ZNF608: variants seen among roughly 807,000 people sequenced by gnomAD.
The protein encoded by ZNF608 is zinc finger protein 608, also known as renal carcinoma antigen NY-REN-36.
In ZNF608, 12 loss-of-function variants were observed where a neutral mutation model predicts 109.0. The observed-to-expected ratio is 0.11, with a 90% confidence interval of 0.07 to 0.18. ZNF608 has a LOEUF of 0.18. Ranked by LOEUF, ZNF608 falls within the 10% of genes least tolerant of loss-of-function variation. The probability of loss-of-function intolerance (pLI) is 1.00; values close to 1 mark genes in which losing one functional copy is unlikely to be tolerated. For synonymous variants in ZNF608, 732 were observed against 717.4 expected (o/e 1.02, Z -0.33); for missense variants, 1,707 against 1,879.3 (o/e 0.91, Z 1.70).
At position 124,665,074 on chromosome 5, in the gene ZNF608, C is replaced by A. The variant is rs567876873; in HGVS notation, c.1163-15377G>T. On this transcript the variant is annotated intron_variant, in intron 3 of 9. Transcript: ENST00000513986. ...CCTGTAATCCCAGCTACTCAGGAGGCTGAGGTAGGGAGAATGGCTTAAACC... is the reference window on the plus strand; with the variant it reads ...CCTGTAATCCCAGCTACTCAGGAGGATGAGGTAGGGAGAATGGCTTAAACC... Among the ~76,000 whole-genome samples, 10 of 151,902 alleles carry A rather than the reference C, an allele frequency of 6.6e-5. No individual in the cohort carries two copies. In the East Asian group the frequency reaches 1.9e-3, roughly 29 times the overall value.
At chr5:124,664,734 T>G (rs1176391014) in intron 3 of ZNF608, among the ~76,000 whole-genome samples, 1 of 152,206 alleles carries the variant, frequency 6.6e-6, no homozygotes, top group Admixed American at 6.5e-5. Context: ...ATGCACTTTA[T>G]AAGTTTACAT....
chr5:124,664,340 G>C (rs1002246201), intron 3 of ZNF608, among the ~76,000 whole-genome samples: 11 of 152,296 alleles, frequency 7.2e-5, no homozygotes, highest in African/African-American at 2.6e-4. Flanking sequence ...CTCAGGATTT[G>C]CTCACTGAAT....
At chr5:124,715,264 AAC>A (rs1348991577) in intron 2 of ZNF608, among the ~76,000 whole-genome samples, 2 of 152,190 alleles carry the variant, frequency 1.3e-5, no homozygotes, top group Non-Finnish European at 1.5e-5. Context: ...TTTACTCTTT[AAC>A]ACACAAAAAA....
Position 124,744,062 on chromosome 5 carries a change from T to C in ZNF608, c.906+22A>G. ...TGCACACAGAGGAGAGTAGGACATC[T>C]AGGAAGGCGACTTTATCCTACCTTC... On this transcript the variant is annotated intron_variant, in intron 2 of 9. Transcript: ENST00000513986. This position sits in a 1 kb window ranked among gnomAD's most constrained non-coding sequence, Gnocchi z 4.5. 1 of 1,560,808 alleles carries C rather than the reference T, an allele frequency of 6.4e-7. No homozygotes were observed.
chr5:124,643,867 T>A (rs978621150), intron 6 of ZNF608, among the ~76,000 whole-genome samples, 184 bp from the exon 7 acceptor site: 1 of 152,228 alleles, frequency 6.6e-6, no homozygotes, highest in Non-Finnish European at 1.5e-5. Flanking sequence ...AGTTAATTCA[T>A]CCTGATGAAG....
rs1280114511 is a variant in ZNF608 at position 124,726,985 on chromosome 5, C to T, written c.906+17099G>A. Among the ~76,000 whole-genome samples, 38 of 152,346 alleles carry T rather than the reference C, an allele frequency of 2.5e-4. 1 individual carries two copies. The highest frequency in any genetic ancestry group is 2.5e-3 in the Admixed American group (38 of 15,296). ...AATTCAGCATCAGTTGCTGTATCTG[C>T]TCTTTCTCTCCCATCTCAAGCTTGT... On this transcript the variant is annotated intron_variant, in intron 2 of 9. Transcript: ENST00000513986.
At chr5:124,703,825 A>G (rs535595658) in intron 2 of ZNF608, among the ~76,000 whole-genome samples, 2 of 152,276 alleles carry the variant, frequency 1.3e-5, no homozygotes, top group East Asian at 3.9e-4. Context: ...AATATTGATG[A>G]CATATCCTAT....
At chr5:124,714,161 T>C (rs1170359717) in intron 2 of ZNF608, among the ~76,000 whole-genome samples, 2 of 152,220 alleles carry the variant, frequency 1.3e-5, no homozygotes, top group Non-Finnish European at 2.9e-5. Context: ...CAATCTATGA[T>C]ACGTCTCTAT....
chr5:124,698,509 CT>C (rs1384020096), intron 3 of ZNF608, among the ~76,000 whole-genome samples: 1 of 152,202 alleles, frequency 6.6e-6, no homozygotes, highest in Non-Finnish European at 1.5e-5. Context: ...AAGGCTGGGG[CT>C]GCCAACAGCC....
At chr5:124,715,557 C>A (rs1753655370) in intron 2 of ZNF608, among the ~76,000 whole-genome samples, 1 of 152,146 alleles carries the variant, frequency 6.6e-6, no homozygotes, top group Non-Finnish European at 1.5e-5. Context: ...TGATTTGAAT[C>A]ATGATTTAAA....
chr5:124,688,708 T>A (rs1752493463), intron 3 of ZNF608, among the ~76,000 whole-genome samples: 1 of 152,222 alleles, frequency 6.6e-6, no homozygotes, highest in South Asian at 2.1e-4. Flanking sequence ...TACTATGTAA[T>A]CCTATTTATA....
At chr5:124,745,233 G>C (rs1462038571) in intron 1 of ZNF608, 61 bp from the exon 2 acceptor site, 3 of 1,348,176 alleles carry the variant, frequency 2.2e-6, no homozygotes, top group African/African-American at 2.9e-5. Flanking sequence ...AATAAAAAAC[G>C]ATTAGTATTG....
At chr5:124,637,984 C>T in intron 9 of ZNF608, 78 bp from the exon 10 acceptor site, 4 of 1,549,282 alleles carry the variant, frequency 2.6e-6, no homozygotes, top group South Asian at 2.3e-5. Context: ...GAGTTTTGCT[C>T]TTGTTGCCCA....
chr5:124,642,357 C>T (rs959320336), intron 7 of ZNF608, among the ~76,000 whole-genome samples: 6 of 152,190 alleles, frequency 3.9e-5, no homozygotes, highest in Admixed American at 2.6e-4. Flanking sequence ...GCAGACACAG[C>T]TCTCACTCCT....
At chr5:124,709,448 T>C (rs1753403784) in intron 2 of ZNF608, among the ~76,000 whole-genome samples, 1 of 152,224 alleles carries the variant, frequency 6.6e-6, no homozygotes, top group African/African-American at 2.4e-5. Context: ...CTCTACTCAA[T>C]GTCTTAAATT....
chr5:124,725,677 T>C (rs2149885320), intron 2 of ZNF608, among the ~76,000 whole-genome samples: 1 of 152,136 alleles, frequency 6.6e-6, no homozygotes, highest in East Asian at 1.9e-4. Context: ...ATGAAAACGC[T>C]CTAGTTTTTT....
chr5:124,714,005 C>T (rs910241203), intron 2 of ZNF608, among the ~76,000 whole-genome samples: 1 of 152,138 alleles, frequency 6.6e-6, no homozygotes, highest in Non-Finnish European at 1.5e-5. Context: ...CTTAAGCAGT[C>T]ATAACATAAA....
chr5:124,660,419 G>A (rs1751203766), intron 3 of ZNF608, among the ~76,000 whole-genome samples: 1 of 152,186 alleles, frequency 6.6e-6, no homozygotes. Context: ...AGGCAGTGTG[G>A]GAAGTAGTTC....
At chr5:124,679,633 G>T (rs1752109884) in intron 3 of ZNF608, among the ~76,000 whole-genome samples, 1 of 152,206 alleles carries the variant, frequency 6.6e-6, no homozygotes, top group African/African-American at 2.4e-5. Context: ...GCAAGTACCT[G>T]TTATTATTCT....
Sources: gnomAD v4.1 joint callset for allele counts (sites outside exome capture counted in the v4.1 genomes callset) on GRCh38, gnomAD v4.1.1 for gene constraint, Gnocchi (gnomAD v3.1) non-coding constraint, MANE v1.5 for transcripts, NCBI Gene and HGNC (gene_info 2026-07-23, HGNC 2026-07-21) for gene names.